DET1: variants seen among roughly 807,000 people sequenced by gnomAD.
The protein encoded by DET1 is DET1 homolog.
In DET1, 22 loss-of-function variants were observed where a neutral mutation model predicts 43.7. That is an observed-to-expected ratio of 0.50 (90% CI 0.36 to 0.72). The LOEUF (loss-of-function observed/expected upper bound fraction) is 0.72. DET1 is among the 30% of genes least tolerant of loss of function. The pLI is 0.00. For synonymous variants in DET1, 315 were observed against 266.2 expected (o/e 1.18, Z -1.79); for missense variants, 713 against 713.3 (o/e 1.00, Z 0.00).
At chr15:88,532,075 G>A in intron 1 of DET1, 1 of 171,794 alleles carries the variant, frequency 5.8e-6, no homozygotes, top group Non-Finnish European at 1.2e-5. Flanking sequence ...GCCGAAGCAA[G>A]TGGATCACCT....
chr15:88,527,969 G>C (rs1006219061), intron 2 of DET1, among the ~76,000 whole-genome samples, 183 bp from the exon 3 acceptor site: 1 of 152,150 alleles, frequency 6.6e-6, no homozygotes, highest in East Asian at 1.9e-4. Context: ...GGCTCCAAGT[G>C]GTTCTGGGAA....
At chr15:88,509,141 C>A (rs1226638543), downstream of DET1, among the ~76,000 whole-genome samples, 1 of 152,162 alleles carries the variant, frequency 6.6e-6, no homozygotes. Flanking sequence ...GCAAGATGAC[C>A]AGCTGAGATA....
At chr15:88,537,329 G>C (rs896004972) in intron 1 of DET1, among the ~76,000 whole-genome samples, 1 of 152,078 alleles carries the variant, frequency 6.6e-6, no homozygotes, top group Non-Finnish European at 1.5e-5. Flanking sequence ...GCAAACTACC[G>C]CCCTCAGCCC....
chr15:88,506,012 G>T (rs11853349), intron 7 of DET1, among the ~76,000 whole-genome samples: 105,701 of 151,872 alleles, frequency 0.7, 37,028 homozygotes, highest in South Asian at 0.84. Flanking sequence ...CTTATGTCAG[G>T]TGGTCACTAG....
intron 3 of DET1, among the ~76,000 whole-genome samples, chr15:88,522,287 C>A (rs1037861705): frequency 2.0e-5 from 3 of 151,502 alleles, no homozygotes; most frequent in Non-Finnish European, 4.4e-5. Flanking sequence ...GTTCTTCAGT[C>A]CTGGGAATCT....
intron 3 of DET1, among the ~76,000 whole-genome samples, chr15:88,526,982 T>C (rs185706906): frequency 6.6e-6 from 1 of 152,324 alleles, no homozygotes; most frequent in East Asian, 1.9e-4. Flanking sequence ...AGTTATCTGG[T>C]GTAAGGCAGC....
chr15:88,509,918 C>G (rs2056179568), downstream of DET1, among the ~76,000 whole-genome samples: 1 of 152,238 alleles, frequency 6.6e-6, no homozygotes, highest in East Asian at 1.9e-4. Context: ...GGCAAAGAAA[C>G]AAGATGGAAG....
chr15:88,516,447 T>C lies in DET1; in HGVS notation c.1463+335A>G, dbSNP rs1598317838. On this transcript the variant is annotated intron_variant, in intron 4 of 4. Coordinates refer to ENST00000268148, the MANE Select transcript of DET1 (RefSeq NM_001144074.3). The surrounding 1 kb of genome is among the most constrained non-coding windows in gnomAD (Gnocchi z 4.4). The stretch of plus-strand genomic sequence containing the variant: ...GCGGGATAAAATAATTTGTGTTAGA[T>C]ACATAATTATAAAGTCTCAATGTCA... Among the ~76,000 whole-genome samples the C allele has an allele frequency of 6.6e-6, 1 of 152,346 alleles. No homozygotes were observed. Among genetic ancestry groups the C allele is most frequent in the East Asian group, 1.9e-4 (1 of 5,194 alleles).
intron 4 of DET1, among the ~76,000 whole-genome samples, chr15:88,513,822 C>T (rs1203484916): frequency 3.9e-5 from 4 of 103,020 alleles, no homozygotes; most frequent in East Asian, 3.1e-4. Context: ...TTTTTTGAGA[C>T]GGAGTCTCGC....
chr15:88,543,649 G>T (rs1367628647), intron 1 of DET1, among the ~76,000 whole-genome samples: 6 of 152,194 alleles, frequency 3.9e-5, no homozygotes, highest in African/African-American at 9.7e-5. Flanking sequence ...GTGGGCTCAG[G>T]CTTTACCAGC....
At chr15:88,518,312 C>G (rs1027150957) in intron 3 of DET1, among the ~76,000 whole-genome samples, 1 of 152,048 alleles carries the variant, frequency 6.6e-6, no homozygotes, top group African/African-American at 2.4e-5. Context: ...GGAATCACTC[C>G]TACATGCAGA....
intron 7 of DET1, chr15:88,505,194 C>T (rs1303709019): frequency 6.6e-6 from 1 of 152,212 alleles, no homozygotes; most frequent in Non-Finnish European, 1.5e-5. Flanking sequence ...TAGTCCTGTG[C>T]TCTGCATGAA....
In DET1 at chr15:88,533,932, AAAG is replaced by A. The variant is rs1481567346; in HGVS notation, c.-10-2220_-10-2218del. On this transcript the variant is annotated intron_variant, in intron 1 of 4. Transcript: ENST00000268148. ...AAAAAGGAATCAAATTCACAGAAAC[AAAG>A]AAGAATGGTGGTCACCAGGGACTAG... Among the ~76,000 whole-genome samples, 4 of 151,972 alleles carry A rather than the reference AAAG, an allele frequency of 2.6e-5. No homozygotes were observed. In the South Asian group the frequency reaches 6.2e-4, roughly 24 times the overall value.
intron 1 of DET1, among the ~76,000 whole-genome samples, chr15:88,539,491 G>GTTTACC (rs1378031156): frequency 6.8e-6 from 1 of 147,936 alleles, no homozygotes. Flanking sequence ...TGTCAAAACT[G>GTTTACC]TTTACCTGCC....
intron 3 of DET1, among the ~76,000 whole-genome samples, chr15:88,524,787 A>G (rs1013162354): frequency 6.6e-6 from 1 of 152,036 alleles, no homozygotes; most frequent in African/African-American, 2.4e-5. Context: ...CCCTAATCTC[A>G]AGTACCCAGG....
rs980901169 is a variant in DET1, at chr15:88,520,315, A to G, written c.1272-3342T>C. ...TCAAAACTCTTTTCCATACTGTCCA[A>G]CTTTTCTCCTCCCATTCTTTCTTAA... On this transcript the variant is annotated intron_variant, in intron 3 of 4. Coordinates refer to ENST00000268148, the MANE Select transcript of DET1 (RefSeq NM_001144074.3). Among the ~76,000 whole-genome samples, 4 of 152,116 alleles carry G rather than the reference A, an allele frequency of 2.6e-5. No individual in the cohort carries two copies. In the South Asian group the frequency reaches 8.3e-4, roughly 32 times the overall value.
intron 3 of DET1, among the ~76,000 whole-genome samples, chr15:88,519,890 CT>C (rs1161814768): frequency 8.5e-5 from 13 of 152,168 alleles, no homozygotes; most frequent in African/African-American, 3.1e-4. Context: ...TCCTTCCAGA[CT>C]CCCATGCTCT....
At chr15:88,544,384 G>A (rs2142352287) in intron 1 of DET1, among the ~76,000 whole-genome samples, 1 of 152,272 alleles carries the variant, frequency 6.6e-6, no homozygotes, top group Non-Finnish European at 1.5e-5. Context: ...AATCATGTAT[G>A]GGAGGGCGCC....
intron 1 of DET1, among the ~76,000 whole-genome samples, chr15:88,536,108 TCAG>T (rs2056942169): frequency 1.3e-5 from 2 of 152,298 alleles, no homozygotes; most frequent in East Asian, 3.9e-4. Context: ...AGATTTCTCA[TCAG>T]AAACCATGGA....
Sources: gnomAD v4.1 joint callset for allele counts (sites outside exome capture counted in the v4.1 genomes callset) on GRCh38, gnomAD v4.1.1 for gene constraint, Gnocchi (gnomAD v3.1) non-coding constraint, MANE v1.5 for transcripts, NCBI Gene and HGNC (gene_info 2026-07-23, HGNC 2026-07-21) for gene names.